Variants in SNX4 observed in about 807,000 individuals in gnomAD.
SNX4 encodes the protein sorting nexin-4.
Under a neutral mutation model 70.8 loss-of-function variants are expected in SNX4, and 49 were observed. The observed-to-expected ratio is 0.69, with a 90% CI of 0.55 to 0.88. The LOEUF is 0.88. Ranked by LOEUF, SNX4 falls within the 40% of genes least tolerant of loss-of-function variation. The pLI, the probability that SNX4 is intolerant of heterozygous loss-of-function variation, is 0.00. For synonymous variants in SNX4, 206 were observed against 183.8 expected (o/e 1.12, Z -0.98); for missense variants, 528 against 544.8 (o/e 0.97, Z 0.31).
At chr3:125,490,985 A>C (rs1254286007) in intron 5 of SNX4, among the ~76,000 whole-genome samples, 3 of 152,178 alleles carry the variant, frequency 2.0e-5, no homozygotes, top group African/African-American at 7.2e-5. Context: ...AAACAAAAAT[A>C]TTACTAAGGC....
In SNX4 at chr3:125,517,258, G is replaced by C. The variant is rs1455628935; in HGVS notation, c.141+2774C>G. Reference sequence around the variant, plus strand: ...CAAATCCCAGCCATGCTACTGACTAGCTTGTGACCATGGTCAAATTACTTC... The same window carrying C: ...CAAATCCCAGCCATGCTACTGACTACCTTGTGACCATGGTCAAATTACTTC... On this transcript the variant is annotated intron_variant, in intron 1 of 13. Coordinates refer to ENST00000251775, the MANE Select transcript of SNX4 (RefSeq NM_003794.4). Among the ~76,000 whole-genome samples, 22 of 152,090 alleles carry C rather than the reference G, an allele frequency of 1.4e-4. 1 individual carries two copies. The highest frequency in any genetic ancestry group is 1.4e-3 in the Admixed American group (22 of 15,264).
In SNX4 at chr3:125,460,751, G is replaced by C; in HGVS notation, c.944+20C>G. On this transcript the variant is annotated intron_variant, in intron 10 of 13. Transcript: ENST00000251775. ...GGTGAACAACCCTGTGGCTGCACCT[G>C]GAACTTTTATTAAACTTACCGCAAT... is the stretch of plus-strand genomic sequence containing the variant. The C allele has an allele frequency of 7.7e-7, 1 of 1,293,372 alleles. No individual in the cohort carries two copies. The highest frequency in any genetic ancestry group is 1.1e-6 in the Non-Finnish European group (1 of 922,014). The allele number at this position is 1,293,372 out of a possible 1,614,324, so 80.1% of individuals were successfully genotyped here.
chr3:125,496,175 T>C (rs1388687956), intron 5 of SNX4, among the ~76,000 whole-genome samples: 1 of 152,090 alleles, frequency 6.6e-6, no homozygotes, highest in Non-Finnish European at 1.5e-5. Context: ...GCGCCTGTAG[T>C]CTCAGCTACT....
At chr3:125,491,129 AT>A (rs1314223402) in intron 5 of SNX4, among the ~76,000 whole-genome samples, 1 of 152,198 alleles carries the variant, frequency 6.6e-6, no homozygotes, top group Non-Finnish European at 1.5e-5. Flanking sequence ...GTTTATTTTG[AT>A]TTTAGGGAAT....
rs1314965622 is a variant in SNX4, at chr3:125,520,090, C to T, written c.83G>A (p.Gly28Glu). 1.3e-6 allele frequency: 2 copies of T among 1,533,250 alleles called. No individual in the cohort carries two copies. Among genetic ancestry groups the T allele is most frequent in the African/African-American group, 1.4e-5 (1 of 69,306 alleles). The allele number at this position is 1,533,250 out of a possible 1,614,324, so 95.0% of individuals were successfully genotyped here. ...EPLGSPDAGL[G>E]AAVGKEAEGA... Reference sequence around the variant, plus strand: ...CTCCGCTTCCTTGCCGACCGCAGCCCCCAGCCCAGCGTCTGGGGAGCCCAG... The same window carrying T: ...CTCCGCTTCCTTGCCGACCGCAGCCTCCAGCCCAGCGTCTGGGGAGCCCAG... Residue 28 changes from glycine to glutamate, a missense_variant, in exon 1 of 14, where the codon GGG becomes GAG. Physicochemically the swap from Gly to Glu is moderately conservative, Grantham distance 98. This residue lies in a region of SNX4 where 341 missense variants were observed against 312.2 expected (regional missense o/e 1.09). Transcript: ENST00000251775.
At chr3:125,487,995 G>GT (rs1934568882) in intron 6 of SNX4, among the ~76,000 whole-genome samples, 1 of 151,898 alleles carries the variant, frequency 6.6e-6, no homozygotes, top group African/African-American at 2.4e-5. Context: ...TTCAATGTAG[G>GT]TTCATCAACT....
intron 9 of SNX4, among the ~76,000 whole-genome samples, chr3:125,463,207 C>T (rs778555201): frequency 6.6e-6 from 1 of 152,170 alleles, no homozygotes; most frequent in Non-Finnish European, 1.5e-5. Flanking sequence ...TGAACATATA[C>T]ATTCTGTAAG....
At chr3:125,488,172 T>TAAAA (rs35693375) in intron 6 of SNX4, among the ~76,000 whole-genome samples, 24 of 93,510 alleles carry the variant, frequency 2.6e-4, no homozygotes, top group East Asian at 1.2e-3. Flanking sequence ...AATAGTCTAT[T>TAAAA]AAAAAAAAAA....
intron 10 of SNX4, among the ~76,000 whole-genome samples, chr3:125,460,522 C>T (rs1445247229): frequency 6.6e-6 from 1 of 152,166 alleles, no homozygotes; most frequent in African/African-American, 2.4e-5. Context: ...AAAGTGGAAA[C>T]AACAACATAC....
chr3:125,497,026 G>A (rs181670816), intron 5 of SNX4, among the ~76,000 whole-genome samples: 1 of 151,070 alleles, frequency 6.6e-6, no homozygotes, highest in Non-Finnish European at 1.5e-5. Flanking sequence ...AGTACACTGG[G>A]GAAAATCTAC....
intron 1 of SNX4, among the ~76,000 whole-genome samples, chr3:125,518,022 T>C (rs1935318706): frequency 6.6e-6 from 1 of 152,112 alleles, no homozygotes. Flanking sequence ...AACTACAACT[T>C]ATACTGCATG....
At chr3:125,483,560 C>A (rs1031252910) in intron 6 of SNX4, among the ~76,000 whole-genome samples, 1 of 152,132 alleles carries the variant, frequency 6.6e-6, no homozygotes, top group Non-Finnish European at 1.5e-5. Context: ...GTCTTAACAC[C>A]TTTGGTCACA....
intron 8 of SNX4, among the ~76,000 whole-genome samples, chr3:125,473,123 C>G (rs1436193708): frequency 6.6e-6 from 1 of 152,078 alleles, no homozygotes; most frequent in African/African-American, 2.4e-5. Context: ...TACAAATGAG[C>G]CCATCACCCA....
In SNX4 at chr3:125,487,886, T is replaced by C. The variant is rs771780141; in HGVS notation, c.653+1522A>G. Reference sequence around the variant, plus strand: ...AATACTATTCTGTATAAAATGATAATGGTGGATACACGTCATTATCCATTT... The same window carrying C: ...AATACTATTCTGTATAAAATGATAACGGTGGATACACGTCATTATCCATTT... On this transcript the variant is annotated intron_variant, in intron 6 of 13. Coordinates refer to ENST00000251775, the MANE Select transcript of SNX4 (RefSeq NM_003794.4). Among the ~76,000 whole-genome samples the C allele has an allele frequency of 2.7e-4, 41 of 152,004 alleles. 1 individual carries two copies. Among genetic ancestry groups the C allele is most frequent in the African/African-American group, 9.6e-4 (40 of 41,474 alleles).
At chr3:125,510,667 C>T (rs1441009777) in intron 1 of SNX4, among the ~76,000 whole-genome samples, 2 of 152,134 alleles carry the variant, frequency 1.3e-5, no homozygotes, top group Non-Finnish European at 2.9e-5. Context: ...AAAACAGTCA[C>T]ATAAAGACAA....
At chr3:125,491,302 T>C (rs1295444899) in intron 5 of SNX4, among the ~76,000 whole-genome samples, 2 of 152,194 alleles carry the variant, frequency 1.3e-5, no homozygotes, top group African/African-American at 4.8e-5. Flanking sequence ...CCAAAGGCTC[T>C]TGTAAGTGTT....
chr3:125,514,416 G>A (rs1453243666), intron 1 of SNX4, among the ~76,000 whole-genome samples: 12 of 137,046 alleles, frequency 8.8e-5, no homozygotes, highest in Non-Finnish European at 1.5e-4. Context: ...TTTTGAGACC[G>A]AGTCTCGCTC....
At chr3:125,473,131 CCA>C (rs1447378180) in intron 8 of SNX4, among the ~76,000 whole-genome samples, 1 of 152,068 alleles carries the variant, frequency 6.6e-6, no homozygotes, top group Non-Finnish European at 1.5e-5. Context: ...AGCCCATCAC[CCA>C]CACAGTGAGC....
intron 5 of SNX4, 53 bp downstream of exon 5, chr3:125,497,288 A>C: frequency 8.8e-7 from 1 of 1,132,150 alleles, no homozygotes; most frequent in Non-Finnish European, 1.3e-6. Flanking sequence ...AGTGCATGGC[A>C]CCATGCTGGG....
Sources: gnomAD v4.1 joint callset for allele counts (sites outside exome capture counted in the v4.1 genomes callset) on GRCh38, gnomAD v4.1.1 for gene constraint, gnomAD v4.1.1 regional missense constraint, MANE v1.5 for transcripts, NCBI Gene and HGNC (gene_info 2026-07-23, HGNC 2026-07-21) for gene names.